Variants in ITIH3 observed in about 807,000 individuals in gnomAD.
ITIH3 encodes inter-alpha-trypsin inhibitor heavy chain H3.
In ITIH3, 81 loss-of-function variants were observed where a neutral mutation model predicts 96.5. The observed-to-expected ratio is 0.84, with a 90% CI of 0.70 to 1.01. The LOEUF (loss-of-function observed/expected upper bound fraction) is 1.01. Ranked by LOEUF, ITIH3 falls within the 50% of genes least tolerant of loss-of-function variation. The pLI, the probability that ITIH3 is intolerant of heterozygous loss-of-function variation, is 0.00. For synonymous variants in ITIH3, 422 were observed against 445.2 expected (o/e 0.95, Z 0.66); for missense variants, 1,057 against 1,139.3 (o/e 0.93, Z 1.04).
intron 14 of ITIH3, 88 bp from the exon 15 acceptor site, chr3:52,804,638 C>T (rs9968117): frequency 0.13 from 184,259 of 1,449,398 alleles, 13,532 homozygotes; most frequent in African/African-American, 0.3. Flanking sequence ...TAGGGCTGGT[C>T]GGCCAAGCAG....
chr3:52,799,428 T>G lies in ITIH3; in HGVS notation c.846T>G (p.Pro282=). The G allele has an allele frequency of 6.2e-7, 1 of 1,612,410 alleles. No individual in the cohort carries two copies. The highest frequency in any genetic ancestry group is 8.5e-7 in the Non-Finnish European group (1 of 1,179,264). ...CACCTCAAGGCCTTCCAGTGGTGCC[T>G]AAGAACGTGGCCTTTGTGATTGACA... The part of the protein sequence containing the change: ...FFAPQGLPVV[P]KNVAFVIDIS... The change falls in exon 8 of 22, where the codon CCT becomes CCG. Residue 282 remains proline (P), a synonymous_variant. Coordinates refer to ENST00000449956, the MANE Select transcript of ITIH3 (RefSeq NM_002217.4).
In ITIH3 at chr3:52,801,194, C is replaced by T. The variant is rs759423959; in HGVS notation, c.1383+48C>T. The T allele has an allele frequency of 1.2e-5, 17 of 1,441,398 alleles. No individual in the cohort carries two copies. In the Admixed American group the frequency reaches 1.6e-4, roughly 14 times the overall value. The allele number at this position is 1,441,398 out of a possible 1,614,324, so 89.3% of individuals were successfully genotyped here. On this transcript the variant is annotated intron_variant, in intron 11 of 21. Transcript: ENST00000449956. ...CCGGGCATAAGGAGCTCACTACTTC[C>T]TCAGACAGCTGCTCCATAAGGTGAC...
intron 14 of ITIH3, 173 bp downstream of exon 14, chr3:52,804,182 G>C (rs1444288743): frequency 3.1e-6 from 2 of 655,096 alleles, no homozygotes. Flanking sequence ...GAAGCAGTCA[G>C]CATGGACAGT....
chr3:52,804,225 C>G, intron 14 of ITIH3: 1 of 584,262 alleles, frequency 1.7e-6, no homozygotes, highest in South Asian at 2.1e-5. Flanking sequence ...CTCTGCACCT[C>G]TAAAGGGAAG....
At chr3:52,803,783 C>G in intron 13 of ITIH3, 72 bp from the exon 14 acceptor site, 1 of 1,552,428 alleles carries the variant, frequency 6.4e-7, no homozygotes, top group Non-Finnish European at 8.8e-7. Context: ...GCTGTGTCCA[C>G]TGCTCCAGTG....
In ITIH3 at chr3:52,796,523, A is replaced by C; in HGVS notation, c.157A>C (p.Lys53Gln). The change falls in exon 3 of 22, where the codon AAG becomes CAG. Residue 53 changes from lysine (K) to glutamine (Q), a missense_variant. Transcript: ENST00000449956. ...IEVYSTKINS[K>Q]VTSRFAHNVV... ...GGTCTACAGTACCAAAATCAACTCC[A>C]AGGTGACCTCCCGTTTTGCTCACAA... The C allele has an allele frequency of 1.2e-6, 2 of 1,613,426 alleles. No individual in the cohort carries two copies. The highest frequency in any genetic ancestry group is 1.7e-6 in the Non-Finnish European group (2 of 1,179,784).
chr3:52,806,159 CG>C, intron 17 of ITIH3, 21 bp downstream of exon 17: 1 of 1,601,090 alleles, frequency 6.2e-7, no homozygotes, highest in Non-Finnish European at 8.5e-7. Context: ...GGCTGCTCCT[CG>C]GGAAGGCTCA....
rs1699948282 is a variant in ITIH3, at chr3:52,803,988, A to G, written c.1843A>G (p.Ile615Val). The G allele has an allele frequency of 6.2e-7, 1 of 1,613,432 alleles. No individual in the cohort carries two copies. Among genetic ancestry groups the G allele is most frequent in the Non-Finnish European group, 8.5e-7 (1 of 1,179,694 alleles). The stretch of plus-strand genomic sequence containing the variant: ...TGAGGACAACGAGGATGAGAGGGCC[A>G]TTGCCGACAAGCCTGGGGAAGGTGG... The part of the protein sequence containing the change: ...KPEDNEDERA[I>V]ADKPGEDAEA... The change falls in exon 14 of 22, where the codon ATT (isoleucine) becomes GTT (valine). Residue 615 changes from isoleucine (I) to valine (V), a missense_variant. Ile to Val is a conservative substitution (Grantham distance 29). Coordinates refer to ENST00000449956, the MANE Select transcript of ITIH3 (RefSeq NM_002217.4).
intron 15 of ITIH3, chr3:52,805,408 C>T (rs1266807607): frequency 2.8e-5 from 29 of 1,053,830 alleles, no homozygotes; most frequent in African/African-American, 8.4e-5. Context: ...CATATGTGTG[C>T]GCCTGTGTGC....
At chr3:52,800,746 C>T (rs1350147405) in intron 10 of ITIH3, 83 bp downstream of exon 10, 5 of 1,539,736 alleles carry the variant, frequency 3.2e-6, no homozygotes, top group Non-Finnish European at 4.4e-6. Context: ...CATTGGAAAA[C>T]CTGGGGCAGC....
rs377258537 is a variant in ITIH3, at chr3:52,802,243, C to T, written c.1384-91C>T. The T allele has an allele frequency of 1.8e-4, 244 of 1,358,290 alleles. 2 individuals carry two copies. Among genetic ancestry groups the T allele is most frequent in the African/African-American group, 1.2e-3 (83 of 67,786 alleles). The allele number at this position is 1,358,290 out of a possible 1,614,324, so 84.1% of individuals were successfully genotyped here. Reference sequence around the variant, plus strand: ...GAGTGAACATTAGGAGCCATTAGGACGGGCCCAGCCCTGGGGCATGGATGC... The same window carrying T: ...GAGTGAACATTAGGAGCCATTAGGATGGGCCCAGCCCTGGGGCATGGATGC... On this transcript the variant is annotated intron_variant, in intron 11 of 21. Transcript: ENST00000449956.
Position 52,808,788 on chromosome 3 carries a change from G to T in ITIH3, c.*107G>T. The stretch of plus-strand genomic sequence containing the variant: ...AGGGGCTGGGAAAATAAAGTCCAAG[G>T]TCGAGACCAGACAGCTGCCAGCCTC... On this transcript the variant is annotated 3_prime_UTR_variant, in exon 22 of 22. Transcript: ENST00000449956. The T allele has an allele frequency of 7.2e-7, 1 of 1,380,146 alleles. No individual in the cohort carries two copies. The highest frequency in any genetic ancestry group is 1.3e-5 in the South Asian group (1 of 78,042). The allele number at this position is 1,380,146 out of a possible 1,614,324, so 85.5% of individuals were successfully genotyped here.
intron 14 of ITIH3, 197 bp from the exon 15 acceptor site, chr3:52,804,529 G>A: frequency 6.8e-6 from 4 of 591,818 alleles, no homozygotes; most frequent in Non-Finnish European, 1.2e-5. Flanking sequence ...GGGAGGCAAA[G>A]AGCTGGGCCT....
chr3:52,800,196 G>A (rs1699770389), intron 9 of ITIH3, among the ~76,000 whole-genome samples: 1 of 152,062 alleles, frequency 6.6e-6, no homozygotes, highest in African/African-American at 2.4e-5. Flanking sequence ...CTTCTTCTTG[G>A]CCCTGTTTCA....
intron 5 of ITIH3, among the ~76,000 whole-genome samples, 197 bp downstream of exon 5, chr3:52,797,464 C>G (rs1242257639): frequency 6.6e-6 from 1 of 152,220 alleles, no homozygotes; most frequent in Non-Finnish European, 1.5e-5. Flanking sequence ...GGATGGACTC[C>G]ACAGATGCAG....
chr3:52,803,887 T>C lies in ITIH3; in HGVS notation c.1742T>C (p.Leu581Pro). Residue 581 changes from leucine to proline, a missense_variant, in exon 14 of 22, where the codon CTC (leucine) becomes CCC (proline). Transcript: ENST00000449956. ...GCCCATGGCGAGGAGAAGGAGAACC[T>C]CACGGCCCGGGCCCTGGACCTGTCC... ...KNAHGEEKEN[L>P]TARALDLSLK... 4 of 1,614,010 alleles carry C rather than the reference T, an allele frequency of 2.5e-6. No homozygotes were observed. The highest frequency in any genetic ancestry group is 2.5e-6 in the Non-Finnish European group (3 of 1,179,892).
intron 2 of ITIH3, 148 bp downstream of exon 2, chr3:52,795,771 G>A (rs1017965658): frequency 2.4e-5 from 17 of 714,306 alleles, no homozygotes; most frequent in East Asian, 5.6e-5. Flanking sequence ...CTCCAACAGC[G>A]CAGGACTCCT....
chr3:52,799,993 C>G (rs1411796286), intron 9 of ITIH3, 72 bp downstream of exon 9: 1 of 1,452,036 alleles, frequency 6.9e-7, no homozygotes, highest in Non-Finnish European at 9.4e-7. Flanking sequence ...CTGCAACCCC[C>G]CTCTTAGGGA....
chr3:52,805,371 A>T, intron 15 of ITIH3: 1 of 1,024,028 alleles, frequency 9.8e-7, no homozygotes, highest in Non-Finnish European at 1.2e-6. Flanking sequence ...GTACCGGTGC[A>T]TGTGAGTACA....
Sources: allele counts gnomAD v4.1 joint callset (sites outside exome capture counted in the v4.1 genomes callset), GRCh38; gene constraint gnomAD v4.1.1; transcripts MANE v1.5; gene names NCBI Gene and HGNC (gene_info 2026-07-23, HGNC 2026-07-21).